SCAF4: variants seen among roughly 807,000 people sequenced by gnomAD.
SCAF4 encodes the protein SR-related and CTD-associated factor 4.
In SCAF4, 25 loss-of-function variants were observed where a neutral mutation model predicts 129.8. That is an observed-to-expected ratio of 0.19 (90% CI 0.14 to 0.27). The LOEUF (loss-of-function observed/expected upper bound fraction) is 0.27. Ranked by LOEUF, SCAF4 falls within the 10% of genes least tolerant of loss-of-function variation. The probability of loss-of-function intolerance (pLI) is 1.00; values close to 1 mark genes in which losing one functional copy is unlikely to be tolerated. For synonymous variants in SCAF4, 551 were observed against 497.7 expected (o/e 1.11, Z -1.43); for missense variants, 1,246 against 1,457.1 (o/e 0.86, Z 2.36).
At chr21:31,714,659 T>C (rs1173331991) in intron 1 of SCAF4, among the ~76,000 whole-genome samples, 1 of 152,204 alleles carries the variant, frequency 6.6e-6, no homozygotes, top group Non-Finnish European at 1.5e-5. Flanking sequence ...GTTTAGGGAT[T>C]AGTCAAAGTA....
chr21:31,717,996 T>C (rs1252872181), intron 1 of SCAF4, among the ~76,000 whole-genome samples: 5 of 150,702 alleles, frequency 3.3e-5, no homozygotes, highest in African/African-American at 1.2e-4. Context: ...CAGGCTGGAG[T>C]GCAATGGCGC....
chr21:31,688,875 T>C (rs2050191504), intron 15 of SCAF4, among the ~76,000 whole-genome samples: 1 of 152,190 alleles, frequency 6.6e-6, no homozygotes, highest in South Asian at 2.1e-4. Context: ...GTATTAGAAA[T>C]AAAGGATAAT....
chr21:31,701,895 C>G lies in SCAF4; in HGVS notation c.481G>C (p.Val161Leu). 1 of 1,613,604 alleles carries G rather than the reference C, an allele frequency of 6.2e-7. No individual in the cohort carries two copies. Among genetic ancestry groups the G allele is most frequent in the Non-Finnish European group, 8.5e-7 (1 of 1,179,858 alleles). Residue 161 changes from valine (V) to leucine (L), a missense_variant, in exon 6 of 20, where the codon GTT (valine) becomes CTT (leucine). By Grantham distance (32) the Val-to-Leu change is conservative. This residue lies in a region of SCAF4 where 143 missense variants were observed against 161.0 expected (regional missense o/e 0.89). Transcript: ENST00000286835. ...NEGSPPPPVKVSSEPPTQATP... is the reference protein window; with the variant it reads ...NEGSPPPPVKLSSEPPTQATP... ...GCTTGTGTGGGAGGTTCAGAAGAAACTTTTACTGGAGGTGGAGGTGAGCCT... is the reference window on the plus strand; with the variant it reads ...GCTTGTGTGGGAGGTTCAGAAGAAAGTTTTACTGGAGGTGGAGGTGAGCCT...
In SCAF4 at chr21:31,719,710, G is replaced by A. The variant is rs571694895; in HGVS notation, c.30+11953C>T. Among the ~76,000 whole-genome samples the A allele has an allele frequency of 6.6e-3, 998 of 152,140 alleles. 9 individuals are homozygous for A. The highest frequency in any genetic ancestry group is 0.023 in the African/African-American group (940 of 41,508). ...GTAGAGACAGGGTTTCTCCATGTTG[G>A]TCAGGCTGGTCTCGAACTCCTGACC... On this transcript the variant is annotated intron_variant, in intron 1 of 19. Transcript: ENST00000286835.
chr21:31,701,149 A>G lies in SCAF4; in HGVS notation c.623T>C (p.Phe208Ser). 6.3e-7 allele frequency: 1 copy of G among 1,599,064 alleles called. No individual in the cohort carries two copies. The highest frequency in any genetic ancestry group is 8.5e-7 in the Non-Finnish European group (1 of 1,172,034). Residue 208 changes from phenylalanine (F) to serine (S), a missense_variant, in exon 7 of 20, where the codon TTT becomes TCT. Around this residue, in one of 6 missense-constraint regions of SCAF4, gnomAD observed 143 missense variants for 161.0 expected, o/e 0.89. Coordinates refer to ENST00000286835, the MANE Select transcript of SCAF4 (RefSeq NM_020706.2). Reference sequence around the variant, plus strand: ...AGACTGTGGTTTTGGAGGCTGTTGAAAAGTCTGAAGGATCTGCTGAAGCTT... The same window carrying G: ...AGACTGTGGTTTTGGAGGCTGTTGAGAAGTCTGAAGGATCTGCTGAAGCTT... Reference protein sequence around the residue: ...GQQLQQILQTFQQPPKPQSPA... With the variant: ...GQQLQQILQTSQQPPKPQSPA...
chr21:31,691,425 A>G (rs1157357994), intron 14 of SCAF4, among the ~76,000 whole-genome samples: 9 of 152,174 alleles, frequency 5.9e-5, no homozygotes, highest in Admixed American at 4.6e-4. Flanking sequence ...CCATATACCT[A>G]TATGTTTTTC....
chr21:31,690,973 A>AATTTT lies in SCAF4; in HGVS notation c.1729-21_1729-20insAAAAT. Reference sequence around the variant, plus strand: ...GGCAATCTATTTCACCATTAGTGAAAATATAAAAAGAAAACAAAGCAAGGT... The same window carrying AATTTT: ...GGCAATCTATTTCACCATTAGTGAAAATTTTATATAAAAAGAAAACAAAGCAAGGT... On this transcript the variant is annotated intron_variant, in intron 14 of 19. Coordinates refer to ENST00000286835, the MANE Select transcript of SCAF4 (RefSeq NM_020706.2). 1.9e-6 allele frequency: 3 copies of AATTTT among 1,593,438 alleles called. No individual in the cohort carries two copies. Among genetic ancestry groups the AATTTT allele is most frequent in the Non-Finnish European group, 2.6e-6 (3 of 1,170,020 alleles).
chr21:31,702,246 T>G lies in SCAF4; in HGVS notation c.455A>C (p.Glu152Ala), dbSNP rs751177792. The G allele has an allele frequency of 6.2e-7, 1 of 1,614,082 alleles. No individual in the cohort carries two copies. The highest frequency in any genetic ancestry group is 1.1e-5 in the South Asian group (1 of 91,064). Reference protein sequence around the residue: ...APVAENVTNNEGSPPPPVKVS... With the variant: ...APVAENVTNNAGSPPPPVKVS... ...CTCACAGATACATCTGACCATACCT[T>G]CATTATTGGTAACATTTTCTGCTAC... is the stretch of plus-strand genomic sequence containing the variant. Residue 152 changes from glutamate to alanine, a missense_variant and splice_region_variant, in exon 5 of 20, where the codon GAA (glutamate) becomes GCA (alanine). Around this residue, in one of 6 missense-constraint regions of SCAF4, gnomAD observed 143 missense variants for 161.0 expected, o/e 0.89. Transcript: ENST00000286835.
chr21:31,702,030 TAG>T (rs2050545343), intron 5 of SCAF4, 112 bp from the exon 6 acceptor site: 14 of 1,373,768 alleles, frequency 1.0e-5, no homozygotes, highest in East Asian at 2.5e-5. Flanking sequence ...GTATAAAATA[TAG>T]AGATTGTGGC....
chr21:31,699,274 G>A (rs1459916155), intron 7 of SCAF4, among the ~76,000 whole-genome samples: 3 of 152,054 alleles, frequency 2.0e-5, no homozygotes, highest in African/African-American at 7.2e-5. Context: ...ATTCCAGAGG[G>A]ACTGAACAGA....
At chr21:31,684,463 A>C (rs2050067211) in intron 19 of SCAF4, 1 of 153,044 alleles carries the variant, frequency 6.5e-6, no homozygotes, top group Non-Finnish European at 1.5e-5. Flanking sequence ...TAAAAAGTAC[A>C]ACAGATAAAC....
chr21:31,707,498 A>G (rs531991004), intron 1 of SCAF4, among the ~76,000 whole-genome samples: 1 of 152,372 alleles, frequency 6.6e-6, no homozygotes, highest in South Asian at 2.1e-4. Context: ...ATAGAGGGTT[A>G]TAAAGATAAA....
intron 5 of SCAF4, 127 bp from the exon 6 acceptor site, chr21:31,702,045 T>A: frequency 7.8e-7 from 1 of 1,282,828 alleles, no homozygotes; most frequent in Non-Finnish European, 1.1e-6. Context: ...ATTGTGGCAC[T>A]AGAGTTTATA....
At chr21:31,699,199 G>A (rs776317869) in intron 7 of SCAF4, among the ~76,000 whole-genome samples, 23 of 152,146 alleles carry the variant, frequency 1.5e-4, no homozygotes, top group Non-Finnish European at 2.9e-4. Context: ...AAAAAGTAGT[G>A]AGGGAGAACT....
chr21:31,703,129 A>G (rs547230806), intron 4 of SCAF4, among the ~76,000 whole-genome samples: 1 of 152,058 alleles, frequency 6.6e-6, no homozygotes, highest in African/African-American at 2.4e-5. Context: ...TACCACTTAA[A>G]CTTTAGTATC....
intron 1 of SCAF4, among the ~76,000 whole-genome samples, chr21:31,730,008 CT>C (rs2051309460): frequency 6.6e-6 from 1 of 152,246 alleles, no homozygotes; most frequent in Admixed American, 6.5e-5. Context: ...AACATTCATT[CT>C]TCCGATTCTG....
intron 2 of SCAF4, 26 bp downstream of exon 2, chr21:31,706,248 C>G: frequency 7.0e-7 from 1 of 1,424,502 alleles, no homozygotes; most frequent in Non-Finnish European, 9.7e-7. Flanking sequence ...AAAAAGATTT[C>G]TCAAATTGCT....
intron 4 of SCAF4, 84 bp from the exon 5 acceptor site, chr21:31,702,463 C>T: frequency 8.3e-7 from 1 of 1,208,164 alleles, no homozygotes; most frequent in Non-Finnish European, 1.2e-6. Context: ...GAGAGGAAAA[C>T]TCCCTAGGCT....
intron 7 of SCAF4, 42 bp downstream of exon 7, chr21:31,700,953 A>G (rs1046320532): frequency 1.3e-6 from 2 of 1,580,654 alleles, no homozygotes; most frequent in African/African-American, 2.7e-5. Flanking sequence ...ACTCAAGTTG[A>G]GTGATATAAA....
Sources: gnomAD v4.1 joint callset for allele counts (sites outside exome capture counted in the v4.1 genomes callset) on GRCh38, gnomAD v4.1.1 for gene constraint, gnomAD v4.1.1 regional missense constraint, MANE v1.5 for transcripts, NCBI Gene and HGNC (gene_info 2026-07-23, HGNC 2026-07-21) for gene names.